Variants in SGCG observed in about 807,000 individuals in gnomAD.
SGCG encodes sarcoglycan gamma.
Under a neutral mutation model 29.3 loss-of-function variants are expected in SGCG, and 26 were observed. The observed-to-expected ratio is 0.89, with a 90% confidence interval of 0.65 to 1.23. SGCG has a LOEUF of 1.23. Ranked by LOEUF, SGCG falls within the 50% of genes most tolerant of loss-of-function variation. SGCG has a pLI of 0.00. For missense variants in SGCG, 353 were observed against 356.0 expected, an observed-to-expected ratio of 0.99 and a Z score of 0.07; for synonymous variants, 145 against 129.7, an observed-to-expected ratio of 1.12 and a Z score of -0.80.
At chr13:23,287,149 C>T (rs7323240) in intron 5 of SGCG, among the ~76,000 whole-genome samples, 65,716 of 151,848 alleles carry the variant, frequency 0.43, 15,034 homozygotes, top group Middle Eastern at 0.65. Flanking sequence ...GATTATGTCA[C>T]TTATATGGTA....
intron 2 of SGCG, among the ~76,000 whole-genome samples, chr13:23,208,480 T>G (rs1395460046): frequency 6.6e-6 from 1 of 152,062 alleles, no homozygotes; most frequent in Non-Finnish European, 1.5e-5. Context: ...TATTAAAAAT[T>G]TAAAAGAGAG....
At chr13:23,244,958 C>T (rs1243572687) in intron 3 of SGCG, 1 of 152,202 alleles carries the variant, frequency 6.6e-6, no homozygotes, top group African/African-American at 2.4e-5. Context: ...ACACAGGTGC[C>T]CCGGGAGCTC....
At chr13:23,213,336 G>A (rs1039195703) in intron 2 of SGCG, among the ~76,000 whole-genome samples, 3 of 152,044 alleles carry the variant, frequency 2.0e-5, no homozygotes, top group Non-Finnish European at 4.4e-5. Flanking sequence ...ATAAAAATTA[G>A]CTGGGCGTGG....
At chr13:23,288,568 A>G (rs1593090491) in intron 5 of SGCG, among the ~76,000 whole-genome samples, 1 of 152,206 alleles carries the variant, frequency 6.6e-6, no homozygotes, top group Admixed American at 6.5e-5. Context: ...AATTTATGGA[A>G]GCGATTAAAC....
the SGCG span, among the ~76,000 whole-genome samples, chr13:23,174,823 AT>A: frequency 7.9e-5 from 12 of 152,218 alleles, no homozygotes; most frequent in East Asian, 1.9e-3. Flanking sequence ...TTGCATTTTT[AT>A]TTTTTTAATC....
chr13:23,267,789 T>C (rs1274793540), intron 4 of SGCG: 1 of 152,178 alleles, frequency 6.6e-6, no homozygotes, highest in Non-Finnish European at 1.5e-5. Flanking sequence ...TTATCTTAAG[T>C]GTGTGTTTCA....
chr13:23,250,700 C>CA lies in SGCG; in HGVS notation c.369dup (p.Gly124ArgfsTer32). 7 of 1,610,768 alleles carry CA rather than the reference C, an allele frequency of 4.3e-6. No individual in the cohort carries two copies. Among genetic ancestry groups the CA allele is most frequent in the Non-Finnish European group, 5.9e-6 (7 of 1,177,004 alleles). ...GCGCGCAACTCAGAAGGGGAGGTCA[C>CA]AGGCAGGTTAAAAGTCGGTGAGTCC... is the stretch of plus-strand genomic sequence containing the variant. On this transcript the variant is annotated frameshift_variant, in exon 4 of 8. Transcript: ENST00000218867. LOFTEE classifies it high-confidence loss of function.
At chr13:23,222,302 G>GTTT (rs1205140498) in intron 2 of SGCG, among the ~76,000 whole-genome samples, 1 of 152,118 alleles carries the variant, frequency 6.6e-6, no homozygotes, top group Non-Finnish European at 1.5e-5. Flanking sequence ...TTCTTAAAAT[G>GTTT]GTTTTCTGTG....
chr13:23,262,832 T>A (rs771240905), intron 4 of SGCG, among the ~76,000 whole-genome samples: 1 of 151,978 alleles, frequency 6.6e-6, no homozygotes, highest in Admixed American at 6.6e-5. Context: ...AAAATAAAAC[T>A]GGAGATAAAT....
At chr13:23,232,892 TG>T (rs1338489249) in intron 2 of SGCG, among the ~76,000 whole-genome samples, 2 of 152,202 alleles carry the variant, frequency 1.3e-5, no homozygotes, top group African/African-American at 4.8e-5. Flanking sequence ...TTCTTCCATG[TG>T]GATGGCTGCT....
chr13:23,166,088 G>T, the SGCG span, among the ~76,000 whole-genome samples: 1 of 152,022 alleles, frequency 6.6e-6, no homozygotes, highest in Non-Finnish European at 1.5e-5. Flanking sequence ...GAGAAGGAAC[G>T]GTGAGAGGGA....
chr13:23,272,688 G>A (rs1428198161), intron 4 of SGCG, among the ~76,000 whole-genome samples: 3 of 152,086 alleles, frequency 2.0e-5, no homozygotes, highest in Non-Finnish European at 2.9e-5. Context: ...ACAGAGCATT[G>A]TGACTATCCA....
intron 2 of SGCG, among the ~76,000 whole-genome samples, chr13:23,226,201 G>C (rs1283496796): frequency 6.6e-6 from 1 of 152,084 alleles, no homozygotes; most frequent in Non-Finnish European, 1.5e-5. Context: ...TTTTTAAAAA[G>C]ATCGTCTATT....
At chr13:23,189,085 C>T (rs1377384998) in intron 1 of SGCG, among the ~76,000 whole-genome samples, 1 of 152,176 alleles carries the variant, frequency 6.6e-6, no homozygotes, top group African/African-American at 2.4e-5. Flanking sequence ...GGGCGGTCAT[C>T]CCCCGTCCTC....
At chr13:23,212,904 C>A (rs529338098) in intron 2 of SGCG, among the ~76,000 whole-genome samples, 1 of 152,188 alleles carries the variant, frequency 6.6e-6, no homozygotes, top group African/African-American at 2.4e-5. Context: ...GTCCTTGACT[C>A]GGATTTCACA....
chr13:23,305,352 A>G (rs755345493), intron 6 of SGCG, among the ~76,000 whole-genome samples: 7 of 152,232 alleles, frequency 4.6e-5, no homozygotes, highest in Non-Finnish European at 1.0e-4. Context: ...TATGAAGGCT[A>G]TTGATTCCTG....
intron 7 of SGCG, among the ~76,000 whole-genome samples, chr13:23,321,412 G>T (rs561607116): frequency 1.3e-5 from 2 of 152,162 alleles, no homozygotes; most frequent in South Asian, 4.1e-4. Context: ...TATAAATAAG[G>T]CTCAGTGAGA....
rs1319316161 is a variant in SGCG at position 23,280,199 on chromosome 13, G to C, written c.505+721G>C. On this transcript the variant is annotated intron_variant, in intron 5 of 7. Transcript: ENST00000218867. ...CTCTTTTTGAACTAAAAGTTGAATA[G>C]GGGTCTCATAGCACTCATTTTTAAG... Among the ~76,000 whole-genome samples, 8 of 152,190 alleles carry C rather than the reference G, an allele frequency of 5.3e-5. No individual in the cohort carries two copies. In the East Asian group the frequency reaches 1.5e-3, roughly 29 times the overall value.
chr13:23,227,232 G>T (rs1000249755), intron 2 of SGCG, among the ~76,000 whole-genome samples: 2 of 150,598 alleles, frequency 1.3e-5, no homozygotes, highest in Non-Finnish European at 2.9e-5. Flanking sequence ...TCATGTTTGT[G>T]ACCATAATCA....
Sources: gnomAD v4.1 joint callset for allele counts (sites outside exome capture counted in the v4.1 genomes callset) on GRCh38, gnomAD v4.1.1 for gene constraint, MANE v1.5 for transcripts, NCBI Gene and HGNC (gene_info 2026-07-23, HGNC 2026-07-21) for gene names.